The following CLEC1B variants were observed in gnomAD, a reference collection of about 807,000 sequenced individuals.
CLEC1B encodes C-type lectin domain family 1 member B.
Under a neutral mutation model 26.7 loss-of-function variants are expected in CLEC1B, and 26 were observed. The ratio of observed to expected loss-of-function variants is 0.97; its 90% confidence interval spans 0.71 to 1.35. CLEC1B has a LOEUF of 1.35. Ranked by LOEUF, CLEC1B falls within the 40% of genes most tolerant of loss-of-function variation. The probability of loss-of-function intolerance (pLI) is 0.00; values close to 1 mark genes in which losing one functional copy is unlikely to be tolerated. For synonymous variants in CLEC1B, 112 were observed against 96.0 expected, an observed-to-expected ratio of 1.17 and a Z score of -0.97; for missense variants, 293 against 282.6, an observed-to-expected ratio of 1.04 and a Z score of -0.26.
At chr12:9,999,481 C>T (rs1195541791), upstream of CLEC1B, among the ~76,000 whole-genome samples, 1 of 152,096 alleles carries the variant, frequency 6.6e-6, no homozygotes, top group Non-Finnish European at 1.5e-5. Context: ...TTACATTGCT[C>T]AAATGAGAGA....
chr12:9,997,539 T>A (rs17734363), intron 2 of CLEC1B, among the ~76,000 whole-genome samples: 3,489 of 152,192 alleles, frequency 0.023, 56 homozygotes, highest in Non-Finnish European at 0.036. Flanking sequence ...ATCGATAACA[T>A]CCCCAGAGCC....
chr12:9,993,724 A>T (rs1277514503), intron 5 of CLEC1B, among the ~76,000 whole-genome samples: 2 of 152,146 alleles, frequency 1.3e-5, no homozygotes, highest in African/African-American at 4.8e-5. Context: ...GAGTTGATTC[A>T]GTAGTTTTGA....
At position 9,997,180 on chromosome 12, in the gene CLEC1B, G is replaced by C; in HGVS notation, c.263C>G (p.Ser88Ter). 1 of 1,613,950 alleles carries C rather than the reference G, an allele frequency of 6.2e-7. No homozygotes were observed. The highest frequency in any genetic ancestry group is 1.1e-5 in the South Asian group (1 of 91,072). Residue 88 changes from serine to a stop codon, truncating the protein, a stop_gained, in exon 3 of 6, where the codon TCA becomes TGA. Coordinates refer to ENST00000298527, the MANE Select transcript of CLEC1B (RefSeq NM_016509.4). LOFTEE classifies it high-confidence loss of function. Reference protein sequence around the residue: ...KRFCQYVVKQSELKGTFKGHK... With the variant: ...KRFCQYVVKQ ...CTTACTGAAAGTGCCCTTTAGTTCT[G>C]ATTGTTTTACCACATATTGACAGAA...
intron 1 of CLEC1B, among the ~76,000 whole-genome samples, chr12:9,998,641 T>C (rs919705493): frequency 4.0e-4 from 28 of 69,536 alleles, no homozygotes; most frequent in Middle Eastern, 6.8e-3. Flanking sequence ...GATGTGTTTG[T>C]ATTTTTTGTT....
chr12:9,997,088 C>A (rs1865070309), intron 3 of CLEC1B, 72 bp downstream of exon 3: 2 of 1,608,914 alleles, frequency 1.2e-6, no homozygotes, highest in Admixed American at 1.7e-5. Context: ...AGATCTCAAA[C>A]TCCCTTCAGT....
chr12:9,998,959 C>G, intron 1 of CLEC1B, 78 bp downstream of exon 1: 1 of 831,492 alleles, frequency 1.2e-6, no homozygotes, highest in Non-Finnish European at 2.0e-6. Flanking sequence ...TATATATTAT[C>G]AATAGTAGAA....
At chr12:9,996,658 G>A (rs2137240789) in intron 4 of CLEC1B, 188 bp downstream of exon 4, 1 of 707,782 alleles carries the variant, frequency 1.4e-6, no homozygotes, top group East Asian at 2.7e-5. Flanking sequence ...AACTCTATCA[G>A]TGTTGTAGAA....
intron 4 of CLEC1B, among the ~76,000 whole-genome samples, chr12:9,996,565 A>G (rs1016893301): frequency 6.9e-6 from 1 of 145,440 alleles, no homozygotes; most frequent in Non-Finnish European, 1.6e-5. Flanking sequence ...ACAAATAAAT[A>G]TGAACATCAC....
At chr12:10,001,278 C>T (rs1454943198), upstream of CLEC1B, among the ~76,000 whole-genome samples, 1 of 152,164 alleles carries the variant, frequency 6.6e-6, no homozygotes, top group African/African-American at 2.4e-5. Context: ...AGGAATGTGC[C>T]AGGATTAGTT....
rs752683376 is a variant in CLEC1B, at chr12:9,993,245, A to T, written c.588T>A (p.Ala196=). 3.9e-5 allele frequency: 63 copies of T among 1,612,630 alleles called. 4 individuals are homozygous for T. In the South Asian group the frequency reaches 6.7e-4, roughly 17 times the overall value. ...GGTGCATTTTCCCATTATGAAAATA[A>T]GCACAATTCATATTTCCTTTTCCAT... ...LEDGKGNMNC[A]YFHNGKMHPT... is the part of the protein sequence containing the mutation. The change falls in exon 6 of 6, where the codon GCT becomes GCA. Residue 196 remains alanine, a synonymous_variant. Coordinates refer to ENST00000298527, the MANE Select transcript of CLEC1B (RefSeq NM_016509.4).
At chr12:9,998,001 G>C (rs1043181481) in intron 2 of CLEC1B, among the ~76,000 whole-genome samples, 2 of 151,764 alleles carry the variant, frequency 1.3e-5, no homozygotes, top group Non-Finnish European at 2.9e-5. Flanking sequence ...GGATGAAAAA[G>C]TTTTTAAAAA....
intron 5 of CLEC1B, among the ~76,000 whole-genome samples, chr12:9,994,459 G>T (rs1864980993): frequency 1.3e-5 from 2 of 152,104 alleles, no homozygotes; most frequent in South Asian, 4.2e-4. Context: ...ATAAGTTTTG[G>T]TTATCAGTTT....
Position 9,995,253 on chromosome 12 carries a change from T to C in CLEC1B, c.439-7A>G. On this transcript the variant is annotated splice_polypyrimidine_tract_variant and splice_region_variant and intron_variant, in intron 4 of 5. Transcript: ENST00000298527. Reference sequence around the variant, plus strand: ...TCCTGGCTTTGATGTACTCCTATTGTAAACATAAATAAACACAATGGTCAG... The same window carrying C: ...TCCTGGCTTTGATGTACTCCTATTGCAAACATAAATAAACACAATGGTCAG... 1 of 1,591,038 alleles carries C rather than the reference T, an allele frequency of 6.3e-7. No homozygotes were observed. The highest frequency in any genetic ancestry group is 8.6e-7 in the Non-Finnish European group (1 of 1,159,542).
chr12:9,993,166 T>C lies in CLEC1B; in HGVS notation c.667A>G (p.Thr223Ala). 6.2e-7 allele frequency: 1 copy of C among 1,611,572 alleles called. No individual in the cohort carries two copies. Among genetic ancestry groups the C allele is most frequent in the East Asian group, 2.2e-5 (1 of 44,848 alleles). ...YLMCERKAGMTKVDQLP is the reference protein window; with the variant it reads ...YLMCERKAGMAKVDQLP ...CATTAAGGTAGTTGGTCCACCTTGG[T>C]CATGCCAGCCTTCCTCTCACACATT... Residue 223 changes from threonine to alanine, a missense_variant, in exon 6 of 6, where the codon ACC becomes GCC. By Grantham distance (58) the Thr-to-Ala change is moderately conservative. Coordinates refer to ENST00000298527, the MANE Select transcript of CLEC1B (RefSeq NM_016509.4).
upstream of CLEC1B, among the ~76,000 whole-genome samples, chr12:10,001,772 TC>T (rs1817219527): frequency 6.6e-6 from 1 of 152,136 alleles, no homozygotes; most frequent in African/African-American, 2.4e-5. Flanking sequence ...ACCCTCCAAG[TC>T]CCGTTATTAG....
upstream of CLEC1B, chr12:9,999,136 A>C: frequency 6.9e-7 from 1 of 1,445,494 alleles, no homozygotes; most frequent in Non-Finnish European, 9.6e-7. Flanking sequence ...TCAGAGTTCA[A>C]TGACTTTGCA....
intron 5 of CLEC1B, among the ~76,000 whole-genome samples, chr12:9,994,507 A>C (rs1864982510): frequency 6.6e-6 from 1 of 152,160 alleles, no homozygotes; most frequent in Non-Finnish European, 1.5e-5. Context: ...TTTGATATAC[A>C]GGATGAACAA....
Position 9,995,170 on chromosome 12 carries a change from CA to C in CLEC1B, c.514del (p.Trp172GlyfsTer22). 6.2e-7 allele frequency: 1 copy of C among 1,613,080 alleles called. No homozygotes were observed. The highest frequency in any genetic ancestry group is 1.3e-5 in the African/African-American group (1 of 74,984). On this transcript the variant is annotated frameshift_variant, in exon 5 of 6. Coordinates refer to ENST00000298527, the MANE Select transcript of CLEC1B (RefSeq NM_016509.4). LOFTEE classifies it low-confidence loss of function (END_TRUNC). ...TTCTGAGATAACCGAGCCATCCTCCCACTTCCAGACCTCATTCGACTTCTGG... is the reference window on the plus strand; with the variant it reads ...TTCTGAGATAACCGAGCCATCCTCCCCTTCCAGACCTCATTCGACTTCTGG... ...SRQKSNEVWK[W>X]EDGSVISENM... is the part of the protein sequence containing the mutation.
chr12:9,997,973 A>AT (rs11454576), intron 2 of CLEC1B, among the ~76,000 whole-genome samples: 82,765 of 151,968 alleles, frequency 0.54, 22,881 homozygotes, highest in South Asian at 0.72. Context: ...GGTTCTTAGG[A>AT]ATGCAAGATA....
Sources: gnomAD v4.1 joint callset for allele counts (sites outside exome capture counted in the v4.1 genomes callset) on GRCh38, gnomAD v4.1.1 for gene constraint, MANE v1.5 for transcripts, NCBI Gene and HGNC (gene_info 2026-07-23, HGNC 2026-07-21) for gene names.